Variants in TSPEAR observed in about 807,000 individuals in gnomAD.
TSPEAR encodes thrombospondin type laminin G domain and EAR repeats.
Under a neutral mutation model 71.6 loss-of-function variants are expected in TSPEAR, and 69 were observed. The observed-to-expected ratio is 0.96, with a 90% confidence interval of 0.79 to 1.18. TSPEAR has a LOEUF of 1.18. Ranked by LOEUF, TSPEAR falls within the 50% of genes most tolerant of loss-of-function variation. The pLI is 0.00. For synonymous variants in TSPEAR, 402 were observed against 387.2 expected (o/e 1.04, Z -0.45); for missense variants, 971 against 894.9 (o/e 1.09, Z -1.09).
At chr21:44,699,908 C>G (rs1416013818) in intron 1 of TSPEAR, among the ~76,000 whole-genome samples, 4 of 152,174 alleles carry the variant, frequency 2.6e-5, no homozygotes, top group Non-Finnish European at 4.4e-5. Flanking sequence ...GGACTCCACC[C>G]CGTCCCCCGC....
intron 2 of TSPEAR, among the ~76,000 whole-genome samples, chr21:44,555,379 AG>A (rs1328181473): frequency 7.3e-5 from 11 of 151,354 alleles, no homozygotes; most frequent in Non-Finnish European, 1.2e-4. Context: ...ATCCTCCCCA[AG>A]GGGTGACGGC....
chr21:44,550,395 G>A, intron 2 of TSPEAR: 1 of 585,218 alleles, frequency 1.7e-6, no homozygotes, highest in Non-Finnish European at 3.1e-6. Context: ...AGAGGCAGAG[G>A]GTGACGCTCC....
chr21:44,580,383 T>A, intron 1 of TSPEAR: 1 of 1,613,366 alleles, frequency 6.2e-7, no homozygotes, highest in Non-Finnish European at 8.5e-7. Flanking sequence ...CAGGAGCTGG[T>A]GCAGCCTGAT....
intron 1 of TSPEAR, among the ~76,000 whole-genome samples, chr21:44,607,038 A>T (rs1981358281): frequency 6.6e-6 from 1 of 152,182 alleles, no homozygotes; most frequent in Non-Finnish European, 1.5e-5. Flanking sequence ...AAAAATGGTA[A>T]GTTGGTGAGA....
chr21:44,514,963 G>A (rs917454847), intron 9 of TSPEAR, among the ~76,000 whole-genome samples: 5 of 151,992 alleles, frequency 3.3e-5, no homozygotes, highest in East Asian at 1.9e-4. Context: ...CTGGGAATGC[G>A]CCCACCCTGT....
At chr21:44,587,743 T>G (rs1555925858) in intron 1 of TSPEAR, among the ~76,000 whole-genome samples, 2 of 152,124 alleles carry the variant, frequency 1.3e-5, no homozygotes, top group African/African-American at 4.8e-5. Context: ...CGACTGATCT[T>G]TGACAAAGCA....
At chr21:44,639,102 G>GC (rs1983863798) in intron 1 of TSPEAR, among the ~76,000 whole-genome samples, 1 of 152,116 alleles carries the variant, frequency 6.6e-6, no homozygotes, top group Non-Finnish European at 1.5e-5. Flanking sequence ...AAGCCTGCGG[G>GC]CCCCCCTGCC....
chr21:44,643,124 C>A (rs1348905298), intron 1 of TSPEAR, among the ~76,000 whole-genome samples: 4 of 152,172 alleles, frequency 2.6e-5, no homozygotes, highest in African/African-American at 4.8e-5. Context: ...ATGGATGAAC[C>A]TGCACACACT....
In TSPEAR at chr21:44,618,982, G is replaced by A. The variant is rs112488662; in HGVS notation, c.83-50977C>T. ...TATTTTTAGAGTCCAGAAAGCCCCC[G>A]TGCATGTCTATGATGGGGCACTGGC... On this transcript the variant is annotated intron_variant, in intron 1 of 11. Coordinates refer to ENST00000323084, the MANE Select transcript of TSPEAR (RefSeq NM_144991.3). 7.4e-3 allele frequency among the ~76,000 whole-genome samples: 1,131 copies of A among 152,262 alleles called. 11 individuals carry two copies. Among genetic ancestry groups the A allele is most frequent in the African/African-American group, 0.025 (1,049 of 41,532 alleles).
chr21:44,688,307 A>G (rs1027694674), intron 1 of TSPEAR, among the ~76,000 whole-genome samples: 4 of 152,156 alleles, frequency 2.6e-5, no homozygotes, highest in Non-Finnish European at 5.9e-5. Context: ...ACACTCAAAC[A>G]GTGTGGCTGC....
chr21:44,703,676 G>A (rs1222266934), intron 1 of TSPEAR, among the ~76,000 whole-genome samples: 1 of 152,200 alleles, frequency 6.6e-6, no homozygotes, highest in Non-Finnish European at 1.5e-5. Context: ...AGGTCTAGCC[G>A]GGCGTGGCAG....
chr21:44,575,283 G>C, intron 1 of TSPEAR: 1 of 499,646 alleles, frequency 2.0e-6, no homozygotes. Context: ...GACCCGTGAG[G>C]TCTCTGTCCT....
intron 1 of TSPEAR, chr21:44,681,851 G>C: frequency 6.2e-7 from 1 of 1,612,102 alleles, no homozygotes; most frequent in Non-Finnish European, 8.5e-7. Flanking sequence ...AGGAAGGGGT[G>C]CTGCAGGAGA....
intron 1 of TSPEAR, among the ~76,000 whole-genome samples, chr21:44,586,932 A>T (rs1164218045): frequency 6.6e-6 from 1 of 152,220 alleles, no homozygotes; most frequent in East Asian, 1.9e-4. Flanking sequence ...AGCCAACATA[A>T]CACTGAATGG....
chr21:44,528,797 C>G (rs1555915303), intron 5 of TSPEAR, among the ~76,000 whole-genome samples: 1 of 152,240 alleles, frequency 6.6e-6, no homozygotes, highest in Non-Finnish European at 1.5e-5. Context: ...ATGATGCCCC[C>G]TATATGGTCA....
At chr21:44,621,304 GTC>G (rs1305043020) in intron 1 of TSPEAR, among the ~76,000 whole-genome samples, 5 of 152,196 alleles carry the variant, frequency 3.3e-5, no homozygotes, top group Non-Finnish European at 7.3e-5. Flanking sequence ...AACTGGAACT[GTC>G]TATTTCTTTC....
At chr21:44,588,789 A>G (rs1398394406) in intron 1 of TSPEAR, among the ~76,000 whole-genome samples, 4 of 149,578 alleles carry the variant, frequency 2.7e-5, no homozygotes, top group African/African-American at 4.9e-5. Flanking sequence ...GTGTGTGTGT[A>G]TATATATATA....
chr21:44,638,353 TCC>T, intron 1 of TSPEAR: 1 of 361,042 alleles, frequency 2.8e-6, no homozygotes, highest in African/African-American at 2.4e-5. Flanking sequence ...CCCCAGCTAC[TCC>T]CCCAGACCCA....
At position 44,521,987 on chromosome 21, in the gene TSPEAR, A is replaced by T; in HGVS notation, c.1462T>A (p.Ser488Thr). 6.2e-7 allele frequency: 1 copy of T among 1,614,052 alleles called. No individual in the cohort carries two copies. Among genetic ancestry groups the T allele is most frequent in the Non-Finnish European group, 8.5e-7 (1 of 1,179,976 alleles). Residue 488 changes from serine to threonine, a missense_variant, in exon 9 of 12, where the codon TCG (serine) becomes ACG (threonine). By Grantham distance (58) the Ser-to-Thr change is moderately conservative. Transcript: ENST00000323084. ...AAGGTGTTGGCCACCACCAGGAACGAGTAGGGCCCCACACTGAAGAACTCC... is the reference window on the plus strand; with the variant it reads ...AAGGTGTTGGCCACCACCAGGAACGTGTAGGGCCCCACACTGAAGAACTCC... ...DWEFFSVGPY[S>T]FLVVANTFNG...
Sources: allele counts gnomAD v4.1 joint callset (sites outside exome capture counted in the v4.1 genomes callset), GRCh38; gene constraint gnomAD v4.1.1; transcripts MANE v1.5; gene names NCBI Gene and HGNC (gene_info 2026-07-23, HGNC 2026-07-21).